The following SBF2 variants were observed in gnomAD, a reference collection of about 807,000 sequenced individuals.
The protein encoded by SBF2 is myotubularin-related protein 13.
Under a neutral mutation model 225.2 loss-of-function variants are expected in SBF2, and 112 were observed. That is an observed-to-expected ratio of 0.50 (90% confidence interval 0.43 to 0.58). SBF2 has a LOEUF of 0.58. SBF2 is among the 20% of genes least tolerant of loss of function. The pLI, the probability that SBF2 is intolerant of heterozygous loss-of-function variation, is 0.00. For missense variants in SBF2, 1,996 were observed against 2,206.2 expected (o/e 0.90, Z 1.91); for synonymous variants, 763 against 773.3 (o/e 0.99, Z 0.22).
At chr11:10,132,652 C>A (rs1464842533) in intron 2 of SBF2, among the ~76,000 whole-genome samples, 4 of 148,744 alleles carry the variant, frequency 2.7e-5, no homozygotes, top group Non-Finnish European at 5.9e-5. Context: ...AGTGTGGACC[C>A]AAAGAGTGAG....
At chr11:10,232,250 C>T (rs1958887270) in intron 1 of SBF2, among the ~76,000 whole-genome samples, 1 of 152,236 alleles carries the variant, frequency 6.6e-6, no homozygotes, top group South Asian at 2.1e-4. Context: ...ACCCCTTGTA[C>T]TTCCCAGGTG....
chr11:10,174,578 A>G (rs939350315), intron 2 of SBF2, among the ~76,000 whole-genome samples: 6 of 152,214 alleles, frequency 3.9e-5, no homozygotes, highest in Admixed American at 2.0e-4. Context: ...CCAAGTTGGA[A>G]AACACTCTGC....
intron 17 of SBF2, among the ~76,000 whole-genome samples, chr11:9,889,534 C>T (rs949567446): frequency 6.6e-6 from 1 of 152,124 alleles, no homozygotes; most frequent in African/African-American, 2.4e-5. Flanking sequence ...TCATGTTGTA[C>T]ATCTCACATT....
intron 1 of SBF2, among the ~76,000 whole-genome samples, chr11:10,277,177 T>A (rs565432575): frequency 2.0e-5 from 3 of 148,006 alleles, no homozygotes; most frequent in African/African-American, 7.4e-5. Flanking sequence ...CTCAGCACTT[T>A]GGGAGGCCAA....
Position 9,897,220 on chromosome 11 carries a change from C to T in SBF2, c.1861-1209G>A, listed in dbSNP as rs566654767. ...TAAAAAGAAATTCTGACACATGCTA[C>T]CACATGGACATTATGTTAGATAATT... is the stretch of plus-strand genomic sequence containing the variant. On this transcript the variant is annotated intron_variant, in intron 16 of 39. Coordinates refer to ENST00000256190, the MANE Select transcript of SBF2 (RefSeq NM_030962.4). Among the ~76,000 whole-genome samples the T allele has an allele frequency of 2.4e-4, 36 of 151,980 alleles. No individual in the cohort carries two copies. In the South Asian group the frequency reaches 7.5e-3, roughly 32 times the overall value.
chr11:9,877,438 G>A (rs1859349807), intron 17 of SBF2, among the ~76,000 whole-genome samples: 1 of 152,008 alleles, frequency 6.6e-6, no homozygotes, highest in South Asian at 2.1e-4. Context: ...GGGTACATGT[G>A]CACAATGTGC....
At chr11:10,254,588 A>G (rs957098143) in intron 1 of SBF2, among the ~76,000 whole-genome samples, 1 of 151,250 alleles carries the variant, frequency 6.6e-6, no homozygotes, top group Non-Finnish European at 1.5e-5. Flanking sequence ...TACATACACA[A>G]TTGAATACTA....
intron 2 of SBF2, among the ~76,000 whole-genome samples, chr11:10,171,381 G>A (rs1300334864): frequency 6.6e-6 from 1 of 152,126 alleles, no homozygotes; most frequent in Non-Finnish European, 1.5e-5. Flanking sequence ...TGCTTTTTCA[G>A]CATCAATTAA....
chr11:10,121,430 G>C (rs1259444546), intron 2 of SBF2, among the ~76,000 whole-genome samples: 4 of 152,042 alleles, frequency 2.6e-5, no homozygotes, highest in Admixed American at 2.6e-4. Context: ...TTTCTCCCAG[G>C]GACATTTATG....
chr11:10,145,952 C>A (rs1021741188), intron 2 of SBF2, among the ~76,000 whole-genome samples: 1 of 152,090 alleles, frequency 6.6e-6, no homozygotes, highest in African/African-American at 2.4e-5. Context: ...AAAGCCAAAT[C>A]AGGAATGCAG....
chr11:9,832,341 G>A lies in SBF2; in HGVS notation c.3535C>T (p.Arg1179Cys), dbSNP rs759762973. ...PRVARCYRHNRLPVVCWKNSR... is the reference protein window; with the variant it reads ...PRVARCYRHNCLPVVCWKNSR... ...TTCTTCCAACATACAACAGGCAGGCGATTGTGTCGATAGCAGCGAGCTACT... is the reference window on the plus strand; with the variant it reads ...TTCTTCCAACATACAACAGGCAGGCAATTGTGTCGATAGCAGCGAGCTACT... Residue 1179 changes from arginine (R) to cysteine (C), a missense_variant, in exon 27 of 40, where the codon CGC becomes TGC. Arg to Cys is a radical substitution (Grantham distance 180, BLOSUM62 -3). Coordinates refer to ENST00000256190, the MANE Select transcript of SBF2 (RefSeq NM_030962.4). 1.9e-6 allele frequency: 3 copies of A among 1,613,902 alleles called. No homozygotes were observed. Among genetic ancestry groups the A allele is most frequent in the African/African-American group, 2.7e-5 (2 of 74,896 alleles).
At chr11:9,870,501 A>C (rs1257540833) in intron 17 of SBF2, among the ~76,000 whole-genome samples, 1 of 152,240 alleles carries the variant, frequency 6.6e-6, no homozygotes, top group African/African-American at 2.4e-5. Flanking sequence ...TGGTACCAAA[A>C]CAAATATGTA....
At chr11:9,949,120 G>C (rs1865718015) in intron 16 of SBF2, among the ~76,000 whole-genome samples, 1 of 152,034 alleles carries the variant, frequency 6.6e-6, no homozygotes, top group Non-Finnish European at 1.5e-5. Flanking sequence ...GAATGGGAGG[G>C]GGGAGAAGAA....
At chr11:10,259,233 T>C (rs1272498916) in intron 1 of SBF2, among the ~76,000 whole-genome samples, 1 of 152,152 alleles carries the variant, frequency 6.6e-6, no homozygotes, top group Admixed American at 6.5e-5. Context: ...TACTTGTAAT[T>C]AAGCCCACAT....
chr11:9,987,441 T>G (rs1947249720), intron 13 of SBF2, among the ~76,000 whole-genome samples: 1 of 152,078 alleles, frequency 6.6e-6, no homozygotes, highest in Non-Finnish European at 1.5e-5. Context: ...GAGAAAGAAA[T>G]AAAGGGCATC....
intron 1 of SBF2, among the ~76,000 whole-genome samples, chr11:10,286,864 A>G (rs1963830011): frequency 1.3e-5 from 2 of 152,372 alleles, no homozygotes. Context: ...GTCTCACACA[A>G]ATAAGACACT....
intron 2 of SBF2, among the ~76,000 whole-genome samples, chr11:10,143,127 A>T (rs1485518870): frequency 1.3e-5 from 2 of 152,004 alleles, no homozygotes; most frequent in Non-Finnish European, 2.9e-5. Context: ...GTGGGCCCCC[A>T]TCCTTACTCC....
rs113040365 is a variant in SBF2 at position 10,068,742 on chromosome 11, T to C, written c.142-25761A>G. Among the ~76,000 whole-genome samples, 201 of 152,212 alleles carry C rather than the reference T, an allele frequency of 1.3e-3. 1 individual carries two copies. Among genetic ancestry groups the C allele is most frequent in the African/African-American group, 4.1e-3 (169 of 41,530 alleles). ...TACCGACTCAGCCCCCGTCACCCCTTTCAAAATAATGTCAACTTGATTCTT... is the reference window on the plus strand; with the variant it reads ...TACCGACTCAGCCCCCGTCACCCCTCTCAAAATAATGTCAACTTGATTCTT... On this transcript the variant is annotated intron_variant, in intron 2 of 39. Transcript: ENST00000256190.
chr11:10,108,745 C>T (rs1199602323), intron 2 of SBF2, among the ~76,000 whole-genome samples: 2 of 151,418 alleles, frequency 1.3e-5, no homozygotes, highest in South Asian at 2.1e-4. Context: ...AGGATGGTCT[C>T]GATCTCCTGA....
Sources: allele counts gnomAD v4.1 joint callset (sites outside exome capture counted in the v4.1 genomes callset), GRCh38; gene constraint gnomAD v4.1.1; transcripts MANE v1.5; gene names NCBI Gene and HGNC (gene_info 2026-07-23, HGNC 2026-07-21).